Variants in CDH18 observed in about 807,000 individuals in gnomAD.
The protein encoded by CDH18 is cadherin-18.
Under a neutral mutation model 67.9 loss-of-function variants are expected in CDH18, and 31 were observed. The observed-to-expected ratio is 0.46, with a 90% CI of 0.34 to 0.62. The LOEUF is 0.62. Ranked by LOEUF, CDH18 falls within the 20% of genes least tolerant of loss-of-function variation. CDH18 has a pLI of 0.01. For synonymous variants in CDH18, 362 were observed against 347.2 expected (o/e 1.04, Z -0.48); for missense variants, 890 against 975.5 (o/e 0.91, Z 1.17).
In CDH18 at chr5:19,964,429, A is replaced by G. The variant is rs979479512; in HGVS notation, c.-257+16631T>C. 5.3e-5 allele frequency among the ~76,000 whole-genome samples: 8 copies of G among 151,436 alleles called. No homozygotes were observed. In the South Asian group the frequency reaches 6.2e-4, roughly 12 times the overall value. On this transcript the variant is annotated intron_variant, in intron 2 of 12. Coordinates refer to ENST00000382275, the MANE Select transcript of CDH18 (RefSeq NM_004934.5). ...GACCCTGTCTCTACAGAAAAAAAAA[A>G]AAAAGAAAAGAAAAAGAAATTATAT...
At chr5:19,744,447 A>G (rs1171591964) in intron 4 of CDH18, among the ~76,000 whole-genome samples, 2 of 151,614 alleles carry the variant, frequency 1.3e-5, no homozygotes, top group African/African-American at 2.4e-5. Context: ...TCTCACATAG[A>G]TTATGTGGCA....
intron 1 of CDH18, among the ~76,000 whole-genome samples, chr5:20,311,294 G>A (rs1471582898): frequency 1.4e-5 from 2 of 141,148 alleles, no homozygotes; most frequent in East Asian, 4.5e-4. Context: ...TCCCATTACT[G>A]GGTATATACC....
At chr5:19,841,635 G>T (rs1782333565) in intron 2 of CDH18, among the ~76,000 whole-genome samples, 1 of 149,754 alleles carries the variant, frequency 6.7e-6, no homozygotes, top group Non-Finnish European at 1.5e-5. Flanking sequence ...TGAAGACATA[G>T]AAGGTGTTGT....
At chr5:19,958,057 T>G (rs1280208478) in intron 2 of CDH18, among the ~76,000 whole-genome samples, 2 of 151,880 alleles carry the variant, frequency 1.3e-5, no homozygotes, top group African/African-American at 4.8e-5. Flanking sequence ...ACCTCCTTTG[T>G]GTTTGGGGAT....
At chr5:19,740,058 A>T (rs1768897192) in intron 4 of CDH18, among the ~76,000 whole-genome samples, 1 of 152,216 alleles carries the variant, frequency 6.6e-6, no homozygotes, top group African/African-American at 2.4e-5. Context: ...GCAGTTAAAC[A>T]ATCTCCTTTT....
chr5:20,213,792 T>C (rs1740542211), intron 2 of CDH18, among the ~76,000 whole-genome samples: 1 of 152,092 alleles, frequency 6.6e-6, no homozygotes, highest in African/African-American at 2.4e-5. Flanking sequence ...CTTATTAGTC[T>C]AGCTAGTAGT....
At chr5:20,245,777 T>G (rs901100073) in intron 2 of CDH18, among the ~76,000 whole-genome samples, 23 of 152,132 alleles carry the variant, frequency 1.5e-4, no homozygotes, top group African/African-American at 5.5e-4. Context: ...CAGAAATCCT[T>G]AGTATTTGTT....
chr5:20,428,573 G>T (rs1283153083), intron 1 of CDH18, among the ~76,000 whole-genome samples: 1 of 152,136 alleles, frequency 6.6e-6, no homozygotes, highest in Non-Finnish European at 1.5e-5. Context: ...GTGTAAAAGG[G>T]TTCCTATGTC....
chr5:19,728,581 A>T (rs953708686), intron 4 of CDH18, among the ~76,000 whole-genome samples: 2 of 152,158 alleles, frequency 1.3e-5, no homozygotes, highest in African/African-American at 4.8e-5. Flanking sequence ...TTTTGCATAG[A>T]CACATATCAA....
chr5:20,530,091 A>G (rs1391257497), intron 1 of CDH18, among the ~76,000 whole-genome samples: 3 of 151,984 alleles, frequency 2.0e-5, no homozygotes, highest in Non-Finnish European at 4.4e-5. Flanking sequence ...CTTTATACCA[A>G]CAAGAGACAA....
At chr5:20,386,676 A>C (rs1744336112) in intron 1 of CDH18, among the ~76,000 whole-genome samples, 2 of 152,108 alleles carry the variant, frequency 1.3e-5, no homozygotes, top group African/African-American at 4.8e-5. Context: ...CACATAACCC[A>C]TATCTTATAT....
At chr5:20,308,949 C>T (rs1334985524) in intron 1 of CDH18, among the ~76,000 whole-genome samples, 1 of 152,142 alleles carries the variant, frequency 6.6e-6, no homozygotes, top group Non-Finnish European at 1.5e-5. Flanking sequence ...GATTTTCGTA[C>T]ATTAGAGCAC....
intron 1 of CDH18, among the ~76,000 whole-genome samples, chr5:19,983,807 T>C (rs1799297471): frequency 6.6e-6 from 1 of 152,146 alleles, no homozygotes; most frequent in South Asian, 2.1e-4. Flanking sequence ...GTGATAGAGG[T>C]TCTTAATTGT....
chr5:19,776,605 T>C (rs1774414355), intron 3 of CDH18, among the ~76,000 whole-genome samples: 1 of 152,162 alleles, frequency 6.6e-6, no homozygotes, highest in African/African-American at 2.4e-5. Flanking sequence ...GTGTCATACA[T>C]TGACAGTGGG....
chr5:19,960,591 ATATATATATATACACACACGTG>A (rs1796718413), intron 2 of CDH18, among the ~76,000 whole-genome samples: 1 of 73,876 alleles, frequency 1.4e-5, no homozygotes, highest in Admixed American at 1.3e-4. Flanking sequence ...GTGTGTGTGT[ATATATATATATACACACACGTG>A]TATATATATA....
At chr5:20,439,757 TC>T (rs1448525083) in intron 1 of CDH18, among the ~76,000 whole-genome samples, 1 of 151,766 alleles carries the variant, frequency 6.6e-6, no homozygotes, top group Admixed American at 6.6e-5. Flanking sequence ...AACGAATCCA[TC>T]CTCATTCCTT....
intron 1 of CDH18, among the ~76,000 whole-genome samples, chr5:20,376,041 C>T (rs559451126): frequency 4.3e-4 from 64 of 148,368 alleles, no homozygotes; most frequent in Non-Finnish European, 8.0e-4. Flanking sequence ...CTGGCACTGA[C>T]TTACAATAAA....
chr5:20,399,906 G>A (rs1309499965), intron 1 of CDH18, among the ~76,000 whole-genome samples: 1 of 152,062 alleles, frequency 6.6e-6, no homozygotes, highest in Admixed American at 6.5e-5. Context: ...GCTCAAACAG[G>A]GGTAATCCAG....
At chr5:19,938,635 GC>G (rs1424433448) in intron 2 of CDH18, among the ~76,000 whole-genome samples, 1 of 151,264 alleles carries the variant, frequency 6.6e-6, no homozygotes, top group Non-Finnish European at 1.5e-5. Context: ...TCTACTTCAT[GC>G]TTTGTTCCTG....
Sources: allele counts gnomAD v4.1 joint callset (sites outside exome capture counted in the v4.1 genomes callset), GRCh38; gene constraint gnomAD v4.1.1; transcripts MANE v1.5; gene names NCBI Gene and HGNC (gene_info 2026-07-23, HGNC 2026-07-21).